Variants in FAM110A observed in about 807,000 individuals in gnomAD.
The protein encoded by FAM110A is family with sequence similarity 110 member A, also known as protein FAM110A.
A neutral mutation model predicts 4.0 loss-of-function variants in FAM110A; 1 was observed. The ratio of observed to expected loss-of-function variants is 0.25; its 90% CI spans 0.09 to 1.20. FAM110A has a LOEUF of 1.20. FAM110A is among the 50% of genes most tolerant of loss of function. FAM110A has a pLI of 0.50. For missense variants in FAM110A, 436 were observed against 429.2 expected (o/e 1.02, Z -0.14); for synonymous variants, 217 against 196.8 (o/e 1.10, Z -0.86).
chr20:845,064 C>T lies in FAM110A; in HGVS notation c.260C>T (p.Thr87Met). Residue 87 changes from threonine to methionine, a missense_variant, in exon 2 of 2, where the codon ACG (threonine) becomes ATG (methionine). Thr to Met is a moderately conservative substitution (Grantham distance 81). Transcript: ENST00000381941. The part of the protein sequence containing the change: ...FSPETRRTVL[T>M]PSRRALPGPC... ...CCTGAGACTCGCCGCACAGTGCTCA[C>T]GCCCAGCCGCCGAGCCCTGCCTGGC... The T allele has an allele frequency of 1.3e-6, 2 of 1,593,676 alleles. No individual in the cohort carries two copies. The highest frequency in any genetic ancestry group is 1.1e-5 in the South Asian group (1 of 88,220).
At chr20:835,888 G>C (rs1979550347) in intron 1 of FAM110A, among the ~76,000 whole-genome samples, 1 of 152,192 alleles carries the variant, frequency 6.6e-6, no homozygotes, top group South Asian at 2.1e-4. Flanking sequence ...GCAGGCAAGG[G>C]CCTCCCCAAA....
At chr20:841,545 CA>C (rs1301248700) in intron 1 of FAM110A, among the ~76,000 whole-genome samples, 1 of 152,180 alleles carries the variant, frequency 6.6e-6, no homozygotes, top group Non-Finnish European at 1.5e-5. Flanking sequence ...CGGGAGTCCT[CA>C]AGCTTTTCCG....
At chr20:839,604 G>A in intron 1 of FAM110A, 1 of 1,060,634 alleles carries the variant, frequency 9.4e-7, no homozygotes, top group Non-Finnish European at 1.5e-6. Flanking sequence ...GAGTCTTGCA[G>A]GTCGCTTACC....
chr20:845,906 C>A lies in FAM110A; in HGVS notation c.*214C>A. On this transcript the variant is annotated 3_prime_UTR_variant, in exon 2 of 2. Coordinates refer to ENST00000381941, the MANE Select transcript of FAM110A (RefSeq NM_001042353.3). ...TTCTTGGCTTTGGACACCTGAGAAC[C>A]CCCTCCTCCCCTCCCCCAATACAAG... 1 of 915,214 alleles carries A rather than the reference C, an allele frequency of 1.1e-6. No homozygotes were observed. The highest frequency in any genetic ancestry group is 1.6e-6 in the Non-Finnish European group (1 of 620,354). 56.7% of individuals were successfully genotyped at this position (915,214 alleles called of 1,614,324 possible).
In FAM110A at chr20:845,858, G is replaced by C. The variant is rs118050140; in HGVS notation, c.*166G>C. On this transcript the variant is annotated 3_prime_UTR_variant, in exon 2 of 2. Transcript: ENST00000381941. ...AGGCTGGACCAGCATTGTTGGGCAA[G>C]GACTGACTCTCCAAGGGTTTTGTTC... 103 of 1,404,122 alleles carry C rather than the reference G, an allele frequency of 7.3e-5. No individual in the cohort carries two copies. The highest frequency in any genetic ancestry group is 9.7e-5 in the Non-Finnish European group (103 of 1,057,562). 87.0% of individuals were successfully genotyped at this position (1,404,122 alleles called of 1,614,324 possible). A position where few individuals can be genotyped will look rare whatever the true frequency, so the allele number is the denominator to read the frequency against.
At chr20:844,602 T>C in intron 1 of FAM110A, 106 bp from the exon 2 acceptor site, 4 of 729,762 alleles carry the variant, frequency 5.5e-6, no homozygotes, top group Non-Finnish European at 7.8e-6. Context: ...AGGGGCGTGG[T>C]CTCTACCTTA....
chr20:835,604 TGGGCC>T (rs1410158521), intron 1 of FAM110A, among the ~76,000 whole-genome samples: 4 of 152,188 alleles, frequency 2.6e-5, no homozygotes, highest in African/African-American at 9.7e-5. Context: ...TTGGTATCAG[TGGGCC>T]TAGATGTCCA....
At chr20:844,567 G>A in intron 1 of FAM110A, 141 bp from the exon 2 acceptor site, 2 of 472,526 alleles carry the variant, frequency 4.2e-6, no homozygotes, top group Non-Finnish European at 6.8e-6. Flanking sequence ...CTGCTGCCTT[G>A]TGCCTGCTGA....
rs1408210493 is a variant in FAM110A at position 846,164 on chromosome 20, C to A, written c.*472C>A. ...GGGGAGGGGCCTATCCACTGCTCTT[C>A]CTAGTCCTTGGCAGCTGGCCTAGGT... is the stretch of plus-strand genomic sequence containing the variant. On this transcript the variant is annotated 3_prime_UTR_variant, in exon 2 of 2. Transcript: ENST00000381941. 2 of 186,786 alleles carry A rather than the reference C, an allele frequency of 1.1e-5. No homozygotes were observed. The highest frequency in any genetic ancestry group is 4.8e-5 in the African/African-American group (2 of 41,584). The allele number at this position is 186,786 out of a possible 1,614,324, so 11.6% of individuals were successfully genotyped here.
Position 845,325 on chromosome 20 carries a change from C to A in FAM110A, c.521C>A (p.Ala174Asp), listed in dbSNP as rs925635905. ...CCCTGCCCATCACCCGGCCCTGCCG[C>A]CGCCTCCAGCCCAGCCCGGCCGCCG... is the stretch of plus-strand genomic sequence containing the variant. ...ARPCPSPGPA[A>D]ASSPARPPGL... The change falls in exon 2 of 2, where the codon GCC becomes GAC. Residue 174 changes from alanine (A) to aspartate (D), a missense_variant. Ala to Asp is a moderately radical substitution (Grantham distance 126, BLOSUM62 -2). Coordinates refer to ENST00000381941, the MANE Select transcript of FAM110A (RefSeq NM_001042353.3). 1.9e-6 allele frequency: 3 copies of A among 1,562,648 alleles called. No individual in the cohort carries two copies. The highest frequency in any genetic ancestry group is 2.6e-6 in the Non-Finnish European group (3 of 1,154,394).
intron 1 of FAM110A, among the ~76,000 whole-genome samples, chr20:841,858 T>C (rs978848214): frequency 6.6e-6 from 1 of 152,166 alleles, no homozygotes; most frequent in African/African-American, 2.4e-5. Flanking sequence ...ACCCGTGACG[T>C]GGGGCTGTTG....
intron 1 of FAM110A, chr20:839,992 G>A (rs1164451394): frequency 1.6e-6 from 2 of 1,238,000 alleles, no homozygotes; most frequent in Non-Finnish European, 2.3e-6. Flanking sequence ...GCAGCTGTAG[G>A]GTCCGGGGCT....
In FAM110A at chr20:834,368, G is replaced by A. The variant is rs150700960; in HGVS notation, c.-98+417G>A. Among the ~76,000 whole-genome samples the A allele has an allele frequency of 5.9e-3, 900 of 152,198 alleles. 2 individuals carry two copies. Among genetic ancestry groups the A allele is most frequent in the Middle Eastern group, 0.017 (5 of 294 alleles). On this transcript the variant is annotated intron_variant, in intron 1 of 1. Transcript: ENST00000381941. This position sits in a 1 kb window ranked among gnomAD's most constrained non-coding sequence, Gnocchi z 5.6. ...GCTCATTTGGCGCCTTTCTGTCTAC[G>A]GGGACAGAGGACCACTCTTTGGGGA...
chr20:835,196 CTCTCTA>C (rs1235552729), intron 1 of FAM110A, among the ~76,000 whole-genome samples: 51 of 125,494 alleles, frequency 4.1e-4, no homozygotes, highest in Non-Finnish European at 4.4e-4. Flanking sequence ...CTCTCTCTCT[CTCTCTA>C]TATATATATA....
intron 1 of FAM110A, among the ~76,000 whole-genome samples, chr20:838,296 T>C (rs997204520): frequency 6.6e-6 from 1 of 152,230 alleles, no homozygotes; most frequent in East Asian, 1.9e-4. Context: ...TCTTCCTCTC[T>C]TTCTTTCTTC....
At position 833,913 on chromosome 20, in the gene FAM110A, G is replaced by A. The variant is rs973943424; in HGVS notation, c.-136G>A. On this transcript the variant is annotated 5_prime_UTR_variant, in exon 1 of 2. Coordinates refer to ENST00000381941, the MANE Select transcript of FAM110A (RefSeq NM_001042353.3). This position sits in a 1 kb window ranked among gnomAD's most constrained non-coding sequence, Gnocchi z 4.1. ...CGAGCTGTCAGCCTCTCCAAAGCCTGCGCGAGAGGAGCCGGGACACGCCTA... is the reference window on the plus strand; with the variant it reads ...CGAGCTGTCAGCCTCTCCAAAGCCTACGCGAGAGGAGCCGGGACACGCCTA... 74 of 152,270 alleles carry A rather than the reference G, an allele frequency of 4.9e-4. No individual in the cohort carries two copies. The highest frequency in any genetic ancestry group is 1.8e-3 in the African/African-American group (73 of 41,456). 9.4% of individuals were successfully genotyped at this position (152,270 alleles called of 1,614,324 possible). A position where few individuals can be genotyped will look rare whatever the true frequency, so the allele number is the denominator to read the frequency against.
At chr20:835,103 A>G (rs1020682817) in intron 1 of FAM110A, among the ~76,000 whole-genome samples, 1 of 150,728 alleles carries the variant, frequency 6.6e-6, no homozygotes, top group South Asian at 2.1e-4. Flanking sequence ...TTCATGGACC[A>G]TTTGTGTGTT....
At chr20:835,282 G>GTA (rs924586608) in intron 1 of FAM110A, among the ~76,000 whole-genome samples, 3 of 151,114 alleles carry the variant, frequency 2.0e-5, no homozygotes, top group Non-Finnish European at 2.9e-5. Context: ...GTATATATGT[G>GTA]TATATATATG....
rs2122672473 is a variant in FAM110A at position 840,482 on chromosome 20, AT to A, written c.-97-4224del. ...AGGTGACAGTCACCTCCCTCTGGGA[AT>A]TCCTTCCTGCAGGGCTGCAGTCTCA... On this transcript the variant is annotated intron_variant, in intron 1 of 1. Transcript: ENST00000381941. This position sits in a 1 kb window ranked among gnomAD's most constrained non-coding sequence, Gnocchi z 4.4. 6.6e-6 allele frequency among the ~76,000 whole-genome samples: 1 copy of A among 152,326 alleles called. No homozygotes were observed. Among genetic ancestry groups the A allele is most frequent in the East Asian group, 1.9e-4 (1 of 5,188 alleles).
Sources: allele counts gnomAD v4.1 joint callset (sites outside exome capture counted in the v4.1 genomes callset), GRCh38; gene constraint gnomAD v4.1.1; non-coding constraint Gnocchi (gnomAD v3.1); transcripts MANE v1.5; gene names NCBI Gene and HGNC (gene_info 2026-07-23, HGNC 2026-07-21).